DOK6: variants seen among roughly 807,000 people sequenced by gnomAD.
DOK6 encodes the protein docking protein 6, also known as downstream of tyrosine kinase 6.
DOK6 carries 22 observed loss-of-function variants against 44.0 expected under a neutral mutation model. The observed-to-expected ratio is 0.50, with a 90% CI of 0.36 to 0.71. DOK6 has a LOEUF of 0.71. Among genes scored for constraint, DOK6 ranks in the 30% least tolerant of loss-of-function variants. The pLI, the probability that DOK6 is intolerant of heterozygous loss-of-function variation, is 0.00. For missense variants in DOK6, 340 were observed against 416.4 expected (o/e 0.82, Z 1.60); for synonymous variants, 166 against 145.5 (o/e 1.14, Z -1.01).
At chr18:69,584,648 CT>C (rs908873515) in intron 2 of DOK6, among the ~76,000 whole-genome samples, 9 of 149,040 alleles carry the variant, frequency 6.0e-5, no homozygotes, top group African/African-American at 1.5e-4. Context: ...GCAGCTTTTG[CT>C]TTTTTTTTTC....
chr18:69,522,112 A>T (rs1399607151), intron 1 of DOK6, among the ~76,000 whole-genome samples: 1 of 151,922 alleles, frequency 6.6e-6, no homozygotes, highest in Non-Finnish European at 1.5e-5. Flanking sequence ...AATAAAATCA[A>T]CTGAATCCCT....
intron 3 of DOK6, among the ~76,000 whole-genome samples, chr18:69,635,202 G>A (rs79410163): frequency 0.016 from 2,451 of 152,224 alleles, 60 homozygotes; most frequent in African/African-American, 0.055. Context: ...CAACTAGAAA[G>A]TGTAGGGATG....
At chr18:69,830,241 C>G (rs192482925) in intron 7 of DOK6, among the ~76,000 whole-genome samples, 1 of 152,042 alleles carries the variant, frequency 6.6e-6, no homozygotes, top group East Asian at 1.9e-4. Flanking sequence ...ATTAATGTCT[C>G]CTGATTCATT....
At chr18:69,616,341 GC>G (rs1984284726) in intron 3 of DOK6, among the ~76,000 whole-genome samples, 1 of 152,060 alleles carries the variant, frequency 6.6e-6, no homozygotes, top group Non-Finnish European at 1.5e-5. Flanking sequence ...CATGCTCATT[GC>G]TGGGCTGCCC....
At chr18:69,606,654 A>G (rs1253768785) in intron 3 of DOK6, among the ~76,000 whole-genome samples, 1 of 152,000 alleles carries the variant, frequency 6.6e-6, no homozygotes, top group African/African-American at 2.4e-5. Context: ...ACTCCATTTA[A>G]AAACTGTTAG....
At chr18:69,414,384 C>T (rs76486918) in intron 1 of DOK6, among the ~76,000 whole-genome samples, 8,568 of 152,028 alleles carry the variant, frequency 0.056, 277 homozygotes, top group Middle Eastern at 0.12. Context: ...CACCAAATTA[C>T]GCAATACTAC....
At chr18:69,734,794 A>G (rs1306933040) in intron 5 of DOK6, among the ~76,000 whole-genome samples, 1 of 152,008 alleles carries the variant, frequency 6.6e-6, no homozygotes, top group African/African-American at 2.4e-5. Context: ...AAATTATCTT[A>G]AAGTATCTAC....
chr18:69,554,820 C>T (rs1301664845), intron 1 of DOK6, among the ~76,000 whole-genome samples: 1 of 152,036 alleles, frequency 6.6e-6, no homozygotes, highest in East Asian at 1.9e-4. Flanking sequence ...TTTTTTTCTC[C>T]ATTTTGTTGC....
chr18:69,731,638 C>T (rs1978405832), intron 5 of DOK6, among the ~76,000 whole-genome samples: 1 of 149,534 alleles, frequency 6.7e-6, no homozygotes, highest in Non-Finnish European at 1.5e-5. Flanking sequence ...CCTGATTACA[C>T]ATGATTACAC....
intron 2 of DOK6, among the ~76,000 whole-genome samples, chr18:69,590,013 C>G (rs1050730806): frequency 3.9e-5 from 6 of 152,060 alleles, no homozygotes; most frequent in Non-Finnish European, 7.4e-5. Context: ...TATGCCCTCC[C>G]TCTCACAGCA....
At chr18:69,577,130 A>C (rs1983257968) in intron 2 of DOK6, among the ~76,000 whole-genome samples, 1 of 152,166 alleles carries the variant, frequency 6.6e-6, no homozygotes, top group African/African-American at 2.4e-5. Context: ...ACATCTCAGA[A>C]AGTTGGGGAA....
chr18:69,534,039 T>C (rs1418845097), intron 1 of DOK6, among the ~76,000 whole-genome samples: 2 of 152,166 alleles, frequency 1.3e-5, no homozygotes, highest in East Asian at 1.9e-4. Flanking sequence ...TCTCAGGCAC[T>C]GGCACAAAAG....
chr18:69,523,465 C>T (rs1981743221), intron 1 of DOK6, among the ~76,000 whole-genome samples: 1 of 151,876 alleles, frequency 6.6e-6, no homozygotes, highest in Non-Finnish European at 1.5e-5. Flanking sequence ...TACCTTATCA[C>T]CTGAAGAATC....
At chr18:69,649,531 C>T (rs576320755) in intron 3 of DOK6, among the ~76,000 whole-genome samples, 1 of 152,078 alleles carries the variant, frequency 6.6e-6, no homozygotes, top group South Asian at 2.1e-4. Flanking sequence ...AATAGATGTT[C>T]CTAGAATTCA....
Position 69,841,234 on chromosome 18 carries a change from T to C in DOK6, c.857-10T>C, listed in dbSNP as rs1038207429. Reference sequence around the variant, plus strand: ...GTTTCTCAGTAGAGCTCTCCTTTCTTCCTCTCTAGGTCATGGGTTTGGTTC... The same window carrying C: ...GTTTCTCAGTAGAGCTCTCCTTTCTCCCTCTCTAGGTCATGGGTTTGGTTC... On this transcript the variant is annotated splice_polypyrimidine_tract_variant and intron_variant, in intron 7 of 7. Transcript: ENST00000382713. The C allele has an allele frequency of 6.2e-7, 1 of 1,614,166 alleles. No individual in the cohort carries two copies. Among genetic ancestry groups the C allele is most frequent in the Non-Finnish European group, 8.5e-7 (1 of 1,180,010 alleles).
At chr18:69,833,515 T>C (rs1057083267) in intron 7 of DOK6, among the ~76,000 whole-genome samples, 1 of 151,698 alleles carries the variant, frequency 6.6e-6, no homozygotes, top group Non-Finnish European at 1.5e-5. Context: ...TTTTGGGGAG[T>C]AAGACCACAA....
intron 7 of DOK6, chr18:69,831,081 A>G (rs1291457969): frequency 6.6e-6 from 1 of 152,440 alleles, no homozygotes; most frequent in Non-Finnish European, 1.5e-5. Flanking sequence ...AAGTTCCATG[A>G]TCTGCCATCT....
chr18:69,402,087 A>G (rs1916112821), intron 1 of DOK6, among the ~76,000 whole-genome samples: 1 of 152,134 alleles, frequency 6.6e-6, no homozygotes, highest in South Asian at 2.1e-4. Flanking sequence ...AGGGGCTGTC[A>G]CCTGGGCGGG....
chr18:69,512,094 C>G (rs191635158), intron 1 of DOK6, among the ~76,000 whole-genome samples: 12 of 130,662 alleles, frequency 9.2e-5, no homozygotes, highest in African/African-American at 3.1e-4. Context: ...CCACACGCAC[C>G]CCCCCACACA....
Sources: gnomAD v4.1 joint callset for allele counts (sites outside exome capture counted in the v4.1 genomes callset) on GRCh38, gnomAD v4.1.1 for gene constraint, MANE v1.5 for transcripts, NCBI Gene and HGNC (gene_info 2026-07-23, HGNC 2026-07-21) for gene names.